Variants in ZFP91 observed in about 807,000 individuals in gnomAD.
The protein encoded by ZFP91 is ZFP91 zinc finger protein, atypical E3 ubiquitin ligase.
In ZFP91, 7 loss-of-function variants were observed where a neutral mutation model predicts 63.5. The observed-to-expected ratio is 0.11, with a 90% confidence interval of 0.06 to 0.21. The LOEUF (loss-of-function observed/expected upper bound fraction) is 0.21. Among genes scored for constraint, ZFP91 ranks in the 10% least tolerant of loss-of-function variants. ZFP91 has a pLI of 1.00. For missense variants in ZFP91, 628 were observed against 736.6 expected (o/e 0.85, Z 1.71); for synonymous variants, 330 against 272.1 (o/e 1.21, Z -2.10).
chr11:58,612,308 T>C lies in ZFP91; in HGVS notation c.888T>C (p.Ser296=). Residue 296 remains serine (S), a synonymous_variant, in exon 7 of 11, where the codon AGT becomes AGC. Coordinates refer to ENST00000316059, the MANE Select transcript of ZFP91 (RefSeq NM_053023.5). ...GAAGAAGACGAAAAGATGACAAAAG[T>C]CCACGTTTACCCAAAAGGAGGTGAG... ...KRGRRRKDDK[S]PRLPKRRKKP... 11 of 1,613,712 alleles carry C rather than the reference T, an allele frequency of 6.8e-6. No individual in the cohort carries two copies. Among genetic ancestry groups the C allele is most frequent in the Non-Finnish European group, 9.3e-6 (11 of 1,179,738 alleles).
intron 1 of ZFP91, 108 bp downstream of exon 1, chr11:58,579,730 C>A (rs1855067331): frequency 9.1e-7 from 1 of 1,101,664 alleles, no homozygotes; most frequent in Non-Finnish European, 1.2e-6. Flanking sequence ...GGTCTGCCCC[C>A]TGCCGGCTCC....
chr11:58,579,399 G>C lies in ZFP91; in HGVS notation c.118G>C (p.Ala40Pro). ...QQRPPEAVAA[A>P]PAGTTSSRVL... ...ACGGCCCCCTGAGGCGGTCGCGGCGGCGCCTGCAGGGACCACTAGCAGCCG... is the reference window on the plus strand; with the variant it reads ...ACGGCCCCCTGAGGCGGTCGCGGCGCCGCCTGCAGGGACCACTAGCAGCCG... Residue 40 changes from alanine (A) to proline (P), a missense_variant, in exon 1 of 11, where the codon GCG becomes CCG. Physicochemically the swap from Ala to Pro is conservative, Grantham distance 27 (BLOSUM62 -1). Around this residue, in one of 3 missense-constraint regions of ZFP91, gnomAD observed 437 missense variants for 380.3 expected, o/e 1.15. Transcript: ENST00000316059. The C allele has an allele frequency of 1.4e-6, 2 of 1,465,468 alleles. No homozygotes were observed. Among genetic ancestry groups the C allele is most frequent in the Non-Finnish European group, 1.8e-6 (2 of 1,115,804 alleles). The allele number at this position is 1,465,468 out of a possible 1,614,324, so 90.8% of individuals were successfully genotyped here.
chr11:58,611,152 A>G (rs756320458), intron 5 of ZFP91, 98 bp downstream of exon 5: 3 of 992,720 alleles, frequency 3.0e-6, no homozygotes, highest in Non-Finnish European at 4.5e-6. Flanking sequence ...TAATGGGTAT[A>G]GAATTAATTT....
intron 2 of ZFP91, among the ~76,000 whole-genome samples, chr11:58,587,109 G>A: frequency 6.6e-6 from 1 of 152,000 alleles, no homozygotes; most frequent in East Asian, 1.9e-4. Context: ...TAAAAAAAAA[G>A]TTAAGTTGCA....
Position 58,617,295 on chromosome 11 carries a change from C to T in ZFP91, c.1302C>T (p.Ile434=), listed in dbSNP as rs746979173. 8.7e-6 allele frequency: 14 copies of T among 1,614,062 alleles called. No homozygotes were observed. The highest frequency in any genetic ancestry group is 1.7e-6 in the Non-Finnish European group (2 of 1,179,980). ...CCTTCTACCAGTTTTCTTGCAATAT[C>T]TGTGGCAAAAAATTTGAGAAGAAGG... ...ADSFYQFSCN[I]CGKKFEKKDS... is the part of the protein sequence containing the mutation. Residue 434 remains isoleucine, a synonymous_variant, in exon 11 of 11, where the codon ATC becomes ATT. Transcript: ENST00000316059. This position sits in a 1 kb window ranked among gnomAD's most constrained non-coding sequence, Gnocchi z 4.2.
rs1855037341 is a variant in ZFP91 at position 58,579,289 on chromosome 11, G to T, written c.8G>T (p.Gly3Val). ...GGGGACGGACAAGCCCCGATGCCGG[G>T]GGAGACGGAAGAGCCGAGACCCCCG... The part of the protein sequence containing the change: MP[G>V]ETEEPRPPEQ... Residue 3 changes from glycine to valine, a missense_variant, in exon 1 of 11, where the codon GGG becomes GTG. Around this residue, in one of 3 missense-constraint regions of ZFP91, gnomAD observed 437 missense variants for 380.3 expected, o/e 1.15. Transcript: ENST00000316059. The T allele has an allele frequency of 1.4e-6, 2 of 1,458,646 alleles. No homozygotes were observed. The highest frequency in any genetic ancestry group is 9.0e-7 in the Non-Finnish European group (1 of 1,113,004). 90.4% of individuals were successfully genotyped at this position (1,458,646 alleles called of 1,614,324 possible). A position where few individuals can be genotyped will look rare whatever the true frequency, so the allele number is the denominator to read the frequency against.
At chr11:58,579,882 G>C (rs1271539871) in intron 1 of ZFP91, among the ~76,000 whole-genome samples, 2 of 152,112 alleles carry the variant, frequency 1.3e-5, no homozygotes, top group African/African-American at 4.8e-5. Context: ...GCACTCGCTA[G>C]TGATCCACCT....
At chr11:58,604,321 T>C (rs76985515) in intron 2 of ZFP91, among the ~76,000 whole-genome samples, 21,408 of 152,066 alleles carry the variant, frequency 0.14, 1,748 homozygotes, top group Admixed American at 0.19. Flanking sequence ...CGTGTGATGA[T>C]GGAGATAGAA....
At chr11:58,597,977 TAACTG>T (rs1026414132) in intron 2 of ZFP91, among the ~76,000 whole-genome samples, 16 of 152,140 alleles carry the variant, frequency 1.1e-4, no homozygotes, top group African/African-American at 3.9e-4. Flanking sequence ...AAAAATGAGT[TAACTG>T]AGAGATACCA....
At chr11:58,580,181 C>T (rs1461373558) in intron 1 of ZFP91, among the ~76,000 whole-genome samples, 1 of 151,766 alleles carries the variant, frequency 6.6e-6, no homozygotes, top group Non-Finnish European at 1.5e-5. Flanking sequence ...GGTTAAAAGC[C>T]CACTGCTACG....
chr11:58,618,990 T>G lies in ZFP91; in HGVS notation c.*1284T>G, dbSNP rs748816793. The G allele has an allele frequency of 1.9e-5, 4 of 213,364 alleles. No individual in the cohort carries two copies. Among genetic ancestry groups the G allele is most frequent in the Non-Finnish European group, 3.8e-5 (4 of 105,996 alleles). The allele number at this position is 213,364 out of a possible 1,614,324, so 13.2% of individuals were successfully genotyped here. On this transcript the variant is annotated 3_prime_UTR_variant, in exon 11 of 11. Transcript: ENST00000316059. ...TCCCTACCATTTCCTTACATTTCCCTTGGGGCCCATCTCTGGCTCCTTGCT... is the reference window on the plus strand; with the variant it reads ...TCCCTACCATTTCCTTACATTTCCCGTGGGGCCCATCTCTGGCTCCTTGCT...
intron 8 of ZFP91, among the ~76,000 whole-genome samples, 156 bp from the exon 9 acceptor site, chr11:58,614,073 A>G (rs955832505): frequency 2.0e-5 from 3 of 152,156 alleles, no homozygotes; most frequent in Admixed American, 1.3e-4. Flanking sequence ...GTGTATTTCC[A>G]CCTATGTTCT....
rs1348059456 is a variant in ZFP91, at chr11:58,579,581, G to C, written c.300G>C (p.Lys100Asn). The C allele has an allele frequency of 6.3e-7, 1 of 1,583,216 alleles. No individual in the cohort carries two copies. The highest frequency in any genetic ancestry group is 1.1e-5 in the South Asian group (1 of 88,866). Residue 100 changes from lysine (K) to asparagine (N), a missense_variant, in exon 1 of 11, where the codon AAG becomes AAC. By Grantham distance (94) the Lys-to-Asn change is moderately conservative. Coordinates refer to ENST00000316059, the MANE Select transcript of ZFP91 (RefSeq NM_053023.5). ...DVPGQQPQAA[K>N]SPSPVQGKKS... ...CCGGGCAGCAGCCCCAGGCCGCGAA[G>C]TCCCCGTCTCCAGTTCAGGGCAAGA...
intron 2 of ZFP91, among the ~76,000 whole-genome samples, chr11:58,590,686 T>C (rs564322879): frequency 6.6e-6 from 1 of 152,336 alleles, no homozygotes; most frequent in South Asian, 2.1e-4. Context: ...TTTCAGTGTA[T>C]AGGTCTTTCA....
At chr11:58,581,660 C>T (rs1379846113) in intron 1 of ZFP91, among the ~76,000 whole-genome samples, 1 of 152,208 alleles carries the variant, frequency 6.6e-6, no homozygotes, top group Non-Finnish European at 1.5e-5. Flanking sequence ...TGCGCCCAGC[C>T]TGCTGTTTAA....
At chr11:58,614,823 A>G (rs1444239844) in intron 9 of ZFP91, among the ~76,000 whole-genome samples, 2 of 152,170 alleles carry the variant, frequency 1.3e-5, no homozygotes, top group Non-Finnish European at 2.9e-5. Context: ...TCCCATAGGA[A>G]CTGTCAAAAA....
intron 9 of ZFP91, among the ~76,000 whole-genome samples, chr11:58,616,131 GTAA>G: frequency 6.6e-6 from 1 of 152,206 alleles, no homozygotes; most frequent in South Asian, 2.1e-4. Flanking sequence ...GGAGAATAAG[GTAA>G]AGTAGTACAG....
chr11:58,614,392 T>C (rs1246683804), intron 9 of ZFP91, 49 bp downstream of exon 9: 1 of 1,324,884 alleles, frequency 7.5e-7, no homozygotes, highest in Admixed American at 2.0e-5. Context: ...TGTGCTTTAG[T>C]TTTGCATGTT....
intron 1 of ZFP91, 90 bp downstream of exon 1, chr11:58,579,712 T>C (rs1855066341): frequency 1.6e-6 from 2 of 1,246,306 alleles, no homozygotes; most frequent in East Asian, 6.0e-5. Flanking sequence ...CCACGTGACA[T>C]CCTGCCTGGT....
Sources: allele counts gnomAD v4.1 joint callset (sites outside exome capture counted in the v4.1 genomes callset), GRCh38; gene constraint gnomAD v4.1.1; regional missense constraint gnomAD v4.1.1; non-coding constraint Gnocchi (gnomAD v3.1); transcripts MANE v1.5; gene names NCBI Gene and HGNC (gene_info 2026-07-23, HGNC 2026-07-21).